The following CD300C variants were observed in gnomAD, a reference collection of about 807,000 sequenced individuals.
CD300C encodes CD300c molecule.
A neutral mutation model predicts 18.4 loss-of-function variants in CD300C; 11 were observed. The observed-to-expected ratio is 0.60, with a 90% CI of 0.38 to 0.99. The LOEUF (loss-of-function observed/expected upper bound fraction) is 0.99. Ranked by LOEUF, CD300C falls within the 50% of genes least tolerant of loss-of-function variation. The probability of loss-of-function intolerance (pLI) is 0.01; values close to 1 mark genes in which losing one functional copy is unlikely to be tolerated. For missense variants in CD300C, 277 were observed against 287.4 expected, an observed-to-expected ratio of 0.96 and a Z score of 0.26; for synonymous variants, 116 against 116.3, an observed-to-expected ratio of 1.00 and a Z score of 0.02.
chr17:74,536,349 T>C (rs1699609), downstream of CD300C, among the ~76,000 whole-genome samples: 100,938 of 151,508 alleles, frequency 0.67, 33,897 homozygotes, highest in Middle Eastern at 0.8. Context: ...CTGGCTAACA[T>C]GGTGAAACCC....
At position 74,545,408 on chromosome 17, in the gene CD300C, G is replaced by A. The variant is rs181390433; in HGVS notation, c.61+314C>T. 2.4e-4 allele frequency among the ~76,000 whole-genome samples: 37 copies of A among 151,792 alleles called. 1 individual carries two copies. The highest frequency in any genetic ancestry group is 1.3e-3 in the South Asian group (6 of 4,782). On this transcript the variant is annotated intron_variant, in intron 1 of 3. Transcript: ENST00000330793. ...ACTGTGTGAGTGTGACCGTGTGTGC[G>A]TGTGAGTGTGACTGTGTGTGTGATC... is the stretch of plus-strand genomic sequence containing the variant.
chr17:74,538,857 G>T (rs193143342), downstream of CD300C, among the ~76,000 whole-genome samples: 2 of 152,354 alleles, frequency 1.3e-5, no homozygotes, highest in African/African-American at 4.8e-5. Flanking sequence ...ATTTATGGTT[G>T]TTGAGCGGCG....
rs375984168 is a variant in CD300C at position 74,544,419 on chromosome 17, C to T, written c.400+190G>A. ...ACATGCAGGTGCACACACACACAAA[C>T]CACACCACAACTCCTATGCAGGCAC... On this transcript the variant is annotated intron_variant, in intron 2 of 3. Coordinates refer to ENST00000330793, the MANE Select transcript of CD300C (RefSeq NM_006678.5). Among the ~76,000 whole-genome samples, 94 of 79,570 alleles carry T rather than the reference C, an allele frequency of 1.2e-3. 1 individual carries two copies. In the South Asian group the frequency reaches 0.028, roughly 24 times the overall value. 52.2% of individuals were successfully genotyped at this position (79,570 alleles called of 152,430 possible).
the CD300C span, among the ~76,000 whole-genome samples, chr17:74,535,701 T>G: frequency 6.6e-6 from 1 of 152,180 alleles, no homozygotes; most frequent in Non-Finnish European, 1.5e-5. Flanking sequence ...ATTTTTTTTC[T>G]TTTTTAGTAC....
Position 74,541,336 on chromosome 17 carries a change from A to G in CD300C, c.*253T>C. 4 of 431,370 alleles carry G rather than the reference A, an allele frequency of 9.3e-6. No individual in the cohort carries two copies. In the Admixed American group the frequency reaches 1.0e-4, roughly 11 times the overall value. The allele number at this position is 431,370 out of a possible 1,614,324, so 26.7% of individuals were successfully genotyped here. ...GCAGGGAGGGCATCCGGGCACTCAG[A>G]GGTATTGCTGACGGCCCGAGGCTTA... On this transcript the variant is annotated 3_prime_UTR_variant, in exon 4 of 4. Coordinates refer to ENST00000330793, the MANE Select transcript of CD300C (RefSeq NM_006678.5).
downstream of CD300C, among the ~76,000 whole-genome samples, chr17:74,540,536 A>G (rs1031001993): frequency 1.3e-5 from 2 of 152,196 alleles, no homozygotes; most frequent in African/African-American, 4.8e-5. Context: ...CCGAATGGAA[A>G]AAAGGGTTAA....
At chr17:74,543,029 G>T (rs1226766752) in intron 2 of CD300C, 42 bp from the exon 3 acceptor site, 3 of 1,610,500 alleles carry the variant, frequency 1.9e-6, no homozygotes, top group South Asian at 1.1e-5. Flanking sequence ...CATCACATGG[G>T]TCTCCCACTT....
At chr17:74,537,654 T>C (rs1908422256), downstream of CD300C, among the ~76,000 whole-genome samples, 1 of 147,924 alleles carries the variant, frequency 6.8e-6, no homozygotes, top group Non-Finnish European at 1.5e-5. Context: ...TGTTGAAAGA[T>C]AAAGTCTGAT....
chr17:74,535,168 A>C, the CD300C span, among the ~76,000 whole-genome samples: 1 of 152,198 alleles, frequency 6.6e-6, no homozygotes, highest in Non-Finnish European at 1.5e-5. Context: ...AAAATGCAAT[A>C]AAAGATGCCA....
At chr17:74,545,391 AGT>A (rs749380574) in intron 1 of CD300C, among the ~76,000 whole-genome samples, 1 of 150,344 alleles carries the variant, frequency 6.7e-6, no homozygotes, top group Non-Finnish European at 1.5e-5. Flanking sequence ...AGACTGTGTG[AGT>A]GTGACCGTGT....
rs139319431 is a variant in CD300C, at chr17:74,542,810, C to T, written c.527+51G>A. On this transcript the variant is annotated intron_variant, in intron 3 of 3. Coordinates refer to ENST00000330793, the MANE Select transcript of CD300C (RefSeq NM_006678.5). ...ACATCCGAGTCCCCTAAACATCACA[C>T]GCAGTGGGGAGGCCGCCAGCGTGGC... 1,014 of 1,569,990 alleles carry T rather than the reference C, an allele frequency of 6.5e-4. 7 individuals carry two copies. The African/African-American group carries it at 0.012, about 18-fold the overall frequency.
At chr17:74,537,411 G>T (rs182767300), downstream of CD300C, among the ~76,000 whole-genome samples, 2 of 152,004 alleles carry the variant, frequency 1.3e-5, no homozygotes, top group African/African-American at 4.8e-5. Context: ...CAGCACTTTC[G>T]GAGGCTGAGG....
chr17:74,539,746 C>T (rs778235072), downstream of CD300C, among the ~76,000 whole-genome samples: 2 of 152,228 alleles, frequency 1.3e-5, no homozygotes, highest in African/African-American at 2.4e-5. Context: ...GACAGGTTTG[C>T]CTGCGTGTTC....
chr17:74,539,000 A>T (rs1353611862), downstream of CD300C, among the ~76,000 whole-genome samples: 2 of 152,158 alleles, frequency 1.3e-5, no homozygotes, highest in Non-Finnish European at 2.9e-5. Context: ...TCCTGACATG[A>T]TGGGCTCAGG....
In CD300C at chr17:74,541,580, C is replaced by T. The variant is rs1207802396; in HGVS notation, c.*9G>A. ...TGTTGCAGCACAGGGCCTTGATGGA[C>T]AGCAGATGCTACTGGTTCTCACCCT... On this transcript the variant is annotated 3_prime_UTR_variant, in exon 4 of 4. Transcript: ENST00000330793. 6 of 1,602,068 alleles carry T rather than the reference C, an allele frequency of 3.7e-6. No individual in the cohort carries two copies. Among genetic ancestry groups the T allele is most frequent in the Non-Finnish European group, 5.1e-6 (6 of 1,169,120 alleles).
At chr17:74,541,826 T>TGTGACCACAGCCAACCAC (rs1209636108) in intron 3 of CD300C, 90 bp from the exon 4 acceptor site, 4 of 1,442,840 alleles carry the variant, frequency 2.8e-6, no homozygotes, top group Non-Finnish European at 3.8e-6. Context: ...GTCCCAATCC[T>TGTGACCACAGCCAACCAC]GTGACCACAG....
At chr17:74,535,258 T>A in the CD300C span, among the ~76,000 whole-genome samples, 34 of 151,974 alleles carry the variant, frequency 2.2e-4, no homozygotes, top group East Asian at 6.6e-3. Context: ...CACGAGGTCA[T>A]CAGTTCAAGA....
Position 74,541,255 on chromosome 17 carries a change from C to T in CD300C, c.*334G>A. The T allele has an allele frequency of 3.6e-6, 1 of 278,670 alleles. No homozygotes were observed. Among genetic ancestry groups the T allele is most frequent in the Non-Finnish European group, 7.1e-6 (1 of 141,258 alleles). 17.3% of individuals were successfully genotyped at this position (278,670 alleles called of 1,614,324 possible). A position where few individuals can be genotyped will look rare whatever the true frequency, so the allele number is the denominator to read the frequency against. Reference sequence around the variant, plus strand: ...GTGCAGGGGAGTCCTAGACCTGCTTCTCCCTGTGAAAACGGTGGAGGAAGC... The same window carrying T: ...GTGCAGGGGAGTCCTAGACCTGCTTTTCCCTGTGAAAACGGTGGAGGAAGC... On this transcript the variant is annotated 3_prime_UTR_variant, in exon 4 of 4. Transcript: ENST00000330793.
rs1908547432 is a variant in CD300C, at chr17:74,541,554, C to T, written c.*35G>A. The T allele has an allele frequency of 4.7e-6, 7 of 1,487,938 alleles. No homozygotes were observed. The highest frequency in any genetic ancestry group is 6.6e-6 in the Non-Finnish European group (7 of 1,065,292). The allele number at this position is 1,487,938 out of a possible 1,614,324, so 92.2% of individuals were successfully genotyped here. A position where few individuals can be genotyped will look rare whatever the true frequency, so the allele number is the denominator to read the frequency against. ...GTCATTCCAGTCCCCCAGAGGGGCT[C>T]TGTTGCAGCACAGGGCCTTGATGGA... On this transcript the variant is annotated 3_prime_UTR_variant, in exon 4 of 4. Transcript: ENST00000330793.
Sources: gnomAD v4.1 joint callset for allele counts (sites outside exome capture counted in the v4.1 genomes callset) on GRCh38, gnomAD v4.1.1 for gene constraint, MANE v1.5 for transcripts, NCBI Gene and HGNC (gene_info 2026-07-23, HGNC 2026-07-21) for gene names.